MSRA: variants seen among roughly 807,000 people sequenced by gnomAD.
The protein encoded by MSRA is mitochondrial peptide methionine sulfoxide reductase.
MSRA carries 54 observed loss-of-function variants against 31.3 expected under a neutral mutation model. That is an observed-to-expected ratio of 1.73 (90% CI 1.39 to 2.17). MSRA has a LOEUF of 2.17. Ranked by LOEUF, MSRA falls within the 30% of genes most tolerant of loss-of-function variation. The pLI, the probability that MSRA is intolerant of heterozygous loss-of-function variation, is 0.00. For synonymous variants in MSRA, 169 were observed against 116.5 expected, an observed-to-expected ratio of 1.45 and a Z score of -2.90; for missense variants, 507 against 300.9, an observed-to-expected ratio of 1.69 and a Z score of -5.07.
intron 5 of MSRA, among the ~76,000 whole-genome samples, chr8:10,415,503 A>C (rs1290396198): frequency 1.3e-5 from 2 of 152,006 alleles, no homozygotes. Context: ...AGGCGATGGA[A>C]AATCAGGGGG....
intron 4 of MSRA, among the ~76,000 whole-genome samples, chr8:10,318,393 C>T (rs970382402): frequency 1.3e-5 from 2 of 152,160 alleles, no homozygotes; most frequent in African/African-American, 2.4e-5. Flanking sequence ...CTCCCTCCCT[C>T]GTCCTGGTTA....
At chr8:10,283,112 A>T (rs930221332) in intron 3 of MSRA, among the ~76,000 whole-genome samples, 3 of 148,290 alleles carry the variant, frequency 2.0e-5, no homozygotes, top group African/African-American at 5.0e-5. Context: ...GACACATCAT[A>T]TTGCATATAT....
intron 3 of MSRA, among the ~76,000 whole-genome samples, chr8:10,291,029 C>T (rs1800205338): frequency 1.3e-5 from 2 of 152,178 alleles, no homozygotes; most frequent in South Asian, 4.1e-4. Context: ...CCTCTGAAAT[C>T]AGCAGGTTGG....
At chr8:10,234,109 TA>T (rs1563250440) in intron 2 of MSRA, among the ~76,000 whole-genome samples, 1 of 152,152 alleles carries the variant, frequency 6.6e-6, no homozygotes, top group African/African-American at 2.4e-5. Context: ...TAAAAAGACT[TA>T]AGAGATTTTA....
At chr8:10,134,717 TG>T (rs1317568646) in intron 1 of MSRA, among the ~76,000 whole-genome samples, 14 of 152,174 alleles carry the variant, frequency 9.2e-5, no homozygotes, top group Non-Finnish European at 1.9e-4. Context: ...GAGGTATTAG[TG>T]AAATGTCTAG....
intron 5 of MSRA, among the ~76,000 whole-genome samples, chr8:10,391,323 C>G (rs901704284): frequency 6.6e-6 from 1 of 152,154 alleles, no homozygotes; most frequent in Non-Finnish European, 1.5e-5. Context: ...ATGCTCTTGG[C>G]AACTTAAGTC....
chr8:10,296,988 A>G (rs948296663), intron 3 of MSRA, among the ~76,000 whole-genome samples: 22 of 152,152 alleles, frequency 1.4e-4, no homozygotes, highest in African/African-American at 5.1e-4. Context: ...CAGTAGCAAA[A>G]TCTAATTATC....
At chr8:10,074,291 C>G (rs1303482091) in intron 1 of MSRA, among the ~76,000 whole-genome samples, 1 of 151,748 alleles carries the variant, frequency 6.6e-6, no homozygotes, top group African/African-American at 2.4e-5. Flanking sequence ...ACCGTGTTAG[C>G]CAGGATGGTC....
At chr8:10,073,027 C>G (rs192632514) in intron 1 of MSRA, among the ~76,000 whole-genome samples, 1 of 152,222 alleles carries the variant, frequency 6.6e-6, no homozygotes, top group East Asian at 1.9e-4. Context: ...ATAGATAACC[C>G]TATCACCTGG....
intron 5 of MSRA, chr8:10,337,515 T>C: frequency 3.5e-6 from 2 of 572,642 alleles, no homozygotes; most frequent in Non-Finnish European, 6.2e-6. Flanking sequence ...CCAAAAAGAC[T>C]GTGTGCTACT....
intron 1 of MSRA, among the ~76,000 whole-genome samples, chr8:10,110,745 G>T (rs1800218254): frequency 6.6e-6 from 1 of 152,194 alleles, no homozygotes; most frequent in African/African-American, 2.4e-5. Flanking sequence ...ATTCTGTTGA[G>T]TTGTGGTGCT....
At chr8:10,394,354 A>G (rs556711665) in intron 5 of MSRA, among the ~76,000 whole-genome samples, 23 of 152,336 alleles carry the variant, frequency 1.5e-4, no homozygotes, top group Admixed American at 7.2e-4. Context: ...CAAGCCATAA[A>G]CAGAGTTCCC....
chr8:10,132,213 T>A (rs972152112), intron 1 of MSRA, among the ~76,000 whole-genome samples: 1 of 152,244 alleles, frequency 6.6e-6, no homozygotes, highest in Non-Finnish European at 1.5e-5. Context: ...CCGAGGAAGT[T>A]AATTCTCCCC....
intron 5 of MSRA, among the ~76,000 whole-genome samples, chr8:10,352,896 C>A (rs964662880): frequency 6.6e-6 from 1 of 152,142 alleles, no homozygotes; most frequent in Non-Finnish European, 1.5e-5. Context: ...TGTCTTGCAA[C>A]ATATCAGAGC....
intron 5 of MSRA, among the ~76,000 whole-genome samples, chr8:10,401,842 G>A (rs1297486238): frequency 6.6e-6 from 1 of 152,148 alleles, no homozygotes; most frequent in Non-Finnish European, 1.5e-5. Flanking sequence ...CTTATATGAG[G>A]ACCTAGAGTA....
intron 1 of MSRA, among the ~76,000 whole-genome samples, chr8:10,106,671 G>T (rs1799903456): frequency 1.3e-5 from 2 of 152,162 alleles, no homozygotes; most frequent in African/African-American, 4.8e-5. Flanking sequence ...TCTGCTTCCA[G>T]ATTTGTTGTG....
chr8:10,308,210 C>G (rs977096631), intron 4 of MSRA, among the ~76,000 whole-genome samples: 1 of 152,226 alleles, frequency 6.6e-6, no homozygotes, highest in African/African-American at 2.4e-5. Context: ...TCTACAGCAG[C>G]TGAACCTATG....
chr8:10,200,780 A>G (rs1808424510), intron 1 of MSRA, among the ~76,000 whole-genome samples: 1 of 152,144 alleles, frequency 6.6e-6, no homozygotes, highest in Non-Finnish European at 1.5e-5. Context: ...TGAGGGACAA[A>G]CACAACCAGA....
At chr8:10,059,954 C>T (rs10101206) in intron 1 of MSRA, among the ~76,000 whole-genome samples, 5 of 152,150 alleles carry the variant, frequency 3.3e-5, no homozygotes, top group African/African-American at 4.8e-5. Flanking sequence ...AGAACTTTGA[C>T]GATACACTGT....
Sources: allele counts gnomAD v4.1 joint callset (sites outside exome capture counted in the v4.1 genomes callset), GRCh38; gene constraint gnomAD v4.1.1; transcripts MANE v1.5; gene names NCBI Gene and HGNC (gene_info 2026-07-23, HGNC 2026-07-21).